The following STAT5B variants were observed in gnomAD, a reference collection of about 807,000 sequenced individuals.
STAT5B encodes the protein transcription factor STAT5B.
In STAT5B, 21 loss-of-function variants were observed where a neutral mutation model predicts 107.8. The ratio of observed to expected loss-of-function variants is 0.19; its 90% CI spans 0.14 to 0.28. The LOEUF (loss-of-function observed/expected upper bound fraction) is 0.28, where lower values mean the gene tolerates loss of function less well. STAT5B is among the 10% of genes least tolerant of loss of function. The pLI, the probability that STAT5B is intolerant of heterozygous loss-of-function variation, is 1.00. For missense variants in STAT5B, 565 were observed against 1,008.2 expected, an observed-to-expected ratio of 0.56 and a Z score of 5.95; for synonymous variants, 325 against 401.7, an observed-to-expected ratio of 0.81 and a Z score of 2.28.
intron 1 of STAT5B, among the ~76,000 whole-genome samples, chr17:42,274,169 C>T (rs1419002347): frequency 6.7e-6 from 1 of 150,290 alleles, no homozygotes; most frequent in Admixed American, 6.7e-5. Flanking sequence ...GGATAGTTTA[C>T]CTAGTTGGGT....
intron 1 of STAT5B, among the ~76,000 whole-genome samples, chr17:42,266,275 C>T (rs575267703): frequency 6.6e-6 from 1 of 151,988 alleles, no homozygotes; most frequent in Non-Finnish European, 1.5e-5. Flanking sequence ...CACCTGCAGT[C>T]CCATCTACTC....
rs1480166140 is a variant in STAT5B, at chr17:42,201,052, G to A, written c.*686C>T. On this transcript the variant is annotated 3_prime_UTR_variant, in exon 19 of 19. Coordinates refer to ENST00000293328, the MANE Select transcript of STAT5B (RefSeq NM_012448.4). ...CAGGGTGCGGGCGGGCAGGAGGGGA[G>A]AGAGGACAAAGAGAGAATAAGATGA... 6 of 400,848 alleles carry A rather than the reference G, an allele frequency of 1.5e-5. No individual in the cohort carries two copies. The highest frequency in any genetic ancestry group is 2.6e-5 in the Non-Finnish European group (6 of 227,538). The allele number at this position is 400,848 out of a possible 1,614,324, so 24.8% of individuals were successfully genotyped here.
chr17:42,200,069 C>T lies in STAT5B; in HGVS notation c.*1669G>A, dbSNP rs952081689. On this transcript the variant is annotated 3_prime_UTR_variant, in exon 19 of 19. Coordinates refer to ENST00000293328, the MANE Select transcript of STAT5B (RefSeq NM_012448.4). ...AGCCTGCTCCTCAGAGGCAGAGAGA[C>T]TCTACTGCCTGGCATAGAAAAATAA... 6.5e-6 allele frequency: 1 copy of T among 152,734 alleles called. No individual in the cohort carries two copies. Among genetic ancestry groups the T allele is most frequent in the Non-Finnish European group, 1.5e-5 (1 of 68,034 alleles). The allele number at this position is 152,734 out of a possible 1,614,324, so 9.5% of individuals were successfully genotyped here. A position where few individuals can be genotyped will look rare whatever the true frequency, so the allele number is the denominator to read the frequency against.
upstream of STAT5B, chr17:42,276,697 C>A (rs1453293734): frequency 6.6e-6 from 1 of 151,964 alleles, no homozygotes; most frequent in Non-Finnish European, 1.5e-5. This position sits in a 1 kb window ranked among gnomAD's most constrained non-coding sequence, Gnocchi z 4.8. Context: ...CAAGCACATG[C>A]TGCTTTGTTT....
chr17:42,252,951 C>A (rs2144364794), intron 1 of STAT5B, among the ~76,000 whole-genome samples: 1 of 152,302 alleles, frequency 6.6e-6, no homozygotes, highest in South Asian at 2.1e-4. Flanking sequence ...CATTTGTCAA[C>A]AATTCACTCA....
chr17:42,227,834 T>G, intron 2 of STAT5B, 149 bp from the exon 3 acceptor site: 1 of 755,724 alleles, frequency 1.3e-6, no homozygotes, highest in South Asian at 1.8e-5. Flanking sequence ...AGAAATGGAC[T>G]CAATGCCTAT....
upstream of STAT5B, chr17:42,276,764 T>G (rs1283131097): frequency 6.6e-6 from 1 of 151,392 alleles, no homozygotes; most frequent in Non-Finnish European, 1.5e-5. The surrounding 1 kb of genome is among the most constrained non-coding windows in gnomAD (Gnocchi z 4.8). Context: ...TCGTTTTGGT[T>G]GGCCCCCTCC....
At chr17:42,262,326 A>G (rs1302704257) in intron 1 of STAT5B, among the ~76,000 whole-genome samples, 1 of 152,170 alleles carries the variant, frequency 6.6e-6, no homozygotes, top group Non-Finnish European at 1.5e-5. Context: ...CCCCGTGCTA[A>G]TATTTTTATT....
chr17:42,207,520 CACACA>C lies in STAT5B; in HGVS notation c.2077+33_2077+37del, dbSNP rs778582616. 15 of 1,564,760 alleles carry C rather than the reference CACACA, an allele frequency of 9.6e-6. No individual in the cohort carries two copies. In the Admixed American group the frequency reaches 1.2e-4, roughly 12 times the overall value. On this transcript the variant is annotated intron_variant, in intron 16 of 18. Coordinates refer to ENST00000293328, the MANE Select transcript of STAT5B (RefSeq NM_012448.4). Reference sequence around the variant, plus strand: ...ACACACACACACACACACACACACACACACAACAAAATCAAATCAGAATGCGAACA... The same window carrying C: ...ACACACACACACACACACACACACACACAAAATCAAATCAGAATGCGAACA...
At chr17:42,224,709 G>A in intron 4 of STAT5B, 70 bp downstream of exon 4, 3 of 1,495,660 alleles carry the variant, frequency 2.0e-6, no homozygotes, top group Admixed American at 3.5e-5. Flanking sequence ...CCTTGACAAA[G>A]GTGGGTCCAG....
At chr17:42,225,877 A>G (rs546098141) in intron 3 of STAT5B, among the ~76,000 whole-genome samples, 1 of 152,310 alleles carries the variant, frequency 6.6e-6, no homozygotes, top group South Asian at 2.1e-4. Context: ...ATGAGGAAAC[A>G]TCAGACAAAC....
At chr17:42,210,599 C>T in intron 13 of STAT5B, 102 bp from the exon 14 acceptor site, 1 of 1,099,260 alleles carries the variant, frequency 9.1e-7, no homozygotes, top group Admixed American at 1.8e-5. Flanking sequence ...AAACATCTAC[C>T]CTTGTCAGAG....
intron 1 of STAT5B, among the ~76,000 whole-genome samples, chr17:42,267,777 G>A (rs1285008803): frequency 6.6e-6 from 1 of 151,996 alleles, no homozygotes; most frequent in Admixed American, 6.6e-5. Context: ...TGGCCAACAT[G>A]GTGAAACCCC....
chr17:42,219,894 A>G, intron 5 of STAT5B, 52 bp from the exon 6 acceptor site: 1 of 1,613,196 alleles, frequency 6.2e-7, no homozygotes, highest in East Asian at 2.2e-5. Context: ...GTCCAACAGG[A>G]GGCCCAGAGA....
chr17:42,274,598 C>A (rs961563600), intron 1 of STAT5B, among the ~76,000 whole-genome samples: 1 of 152,166 alleles, frequency 6.6e-6, no homozygotes, highest in Non-Finnish European at 1.5e-5. Context: ...AAAATAAAAT[C>A]AATCAATAAG....
intron 1 of STAT5B, among the ~76,000 whole-genome samples, chr17:42,239,114 G>A (rs1477850998): frequency 1.3e-5 from 2 of 151,708 alleles, no homozygotes; most frequent in African/African-American, 4.8e-5. Flanking sequence ...TGGGCGTGGT[G>A]CCATGCTCCT....
intron 1 of STAT5B, among the ~76,000 whole-genome samples, chr17:42,261,767 C>T (rs1288095347): frequency 3.9e-5 from 6 of 152,124 alleles, no homozygotes; most frequent in African/African-American, 1.4e-4. Flanking sequence ...ACCATGTTGC[C>T]CAGGATACTT....
intron 16 of STAT5B, among the ~76,000 whole-genome samples, chr17:42,203,165 T>G (rs1343149022): frequency 6.6e-6 from 1 of 152,088 alleles, no homozygotes; most frequent in African/African-American, 2.4e-5. Flanking sequence ...GTTTTCTAAC[T>G]CCTGACCTCA....
At chr17:42,270,027 T>C (rs1164758550) in intron 1 of STAT5B, among the ~76,000 whole-genome samples, 1 of 151,838 alleles carries the variant, frequency 6.6e-6, no homozygotes, top group African/African-American at 2.4e-5. Context: ...CTGGCCAACA[T>C]GTCAAAACCC....
Sources: gnomAD v4.1 joint callset for allele counts (sites outside exome capture counted in the v4.1 genomes callset) on GRCh38, gnomAD v4.1.1 for gene constraint, Gnocchi (gnomAD v3.1) non-coding constraint, MANE v1.5 for transcripts, NCBI Gene and HGNC (gene_info 2026-07-23, HGNC 2026-07-21) for gene names.